The following PLGRKT variants were observed in gnomAD, a reference collection of about 807,000 sequenced individuals.
The protein encoded by PLGRKT is plasminogen receptor (KT).
PLGRKT carries 22 observed loss-of-function variants against 18.5 expected under a neutral mutation model. That is an observed-to-expected ratio of 1.19 (90% CI 0.85 to 1.70). PLGRKT has a LOEUF of 1.70. PLGRKT is among the 40% of genes most tolerant of loss of function. The probability of loss-of-function intolerance (pLI) is 0.00; values close to 1 mark genes in which losing one functional copy is unlikely to be tolerated. For synonymous variants in PLGRKT, 72 were observed against 52.8 expected (o/e 1.36, Z -1.58); for missense variants, 235 against 174.4 (o/e 1.35, Z -1.96).
At chr9:5,378,639 C>T (rs763756616) in intron 3 of PLGRKT, among the ~76,000 whole-genome samples, 147 of 152,154 alleles carry the variant, frequency 9.7e-4, no homozygotes, top group Non-Finnish European at 1.8e-3. Flanking sequence ...TTGAGTTGTA[C>T]ACTTTAACAT....
intron 3 of PLGRKT, among the ~76,000 whole-genome samples, chr9:5,431,379 C>G (rs975198056): frequency 2.0e-5 from 3 of 151,848 alleles, no homozygotes; most frequent in Non-Finnish European, 4.4e-5. Flanking sequence ...ATTAAAAATA[C>G]AAAAATTAGC....
chr9:5,411,295 G>C (rs1818359447), intron 3 of PLGRKT, among the ~76,000 whole-genome samples: 1 of 149,480 alleles, frequency 6.7e-6, no homozygotes, highest in African/African-American at 2.5e-5. Flanking sequence ...TGAGGCAGGA[G>C]AATCACTTGA....
chr9:5,431,413 A>T (rs775707787), intron 3 of PLGRKT, among the ~76,000 whole-genome samples: 1 of 151,948 alleles, frequency 6.6e-6, no homozygotes, highest in Non-Finnish European at 1.5e-5. Context: ...GCATGCCTGC[A>T]ATCCCAGCTA....
chr9:5,403,586 G>C (rs993989673), intron 3 of PLGRKT, among the ~76,000 whole-genome samples: 2 of 152,168 alleles, frequency 1.3e-5, no homozygotes, highest in African/African-American at 2.4e-5. Context: ...TAAGGATAAA[G>C]GCAACGATAA....
chr9:5,429,515 G>A (rs377499415), intron 3 of PLGRKT, among the ~76,000 whole-genome samples: 127 of 151,926 alleles, frequency 8.4e-4, no homozygotes, highest in Middle Eastern at 6.8e-3. Flanking sequence ...TGTGAGAGAA[G>A]CATCTGTTCC....
intron 3 of PLGRKT, 73 bp from the exon 4 acceptor site, chr9:5,361,961 T>C (rs955829972): frequency 6.5e-6 from 9 of 1,389,002 alleles, no homozygotes; most frequent in Non-Finnish European, 8.9e-6. Context: ...TAATCTGTTT[T>C]TCCAGCGGAT....
intron 3 of PLGRKT, among the ~76,000 whole-genome samples, chr9:5,376,120 C>G (rs1817622163): frequency 6.6e-6 from 1 of 152,118 alleles, no homozygotes; most frequent in African/African-American, 2.4e-5. Flanking sequence ...TTATATAATT[C>G]CACTTATACC....
chr9:5,373,728 G>A (rs1428452841), intron 3 of PLGRKT, among the ~76,000 whole-genome samples: 2 of 152,072 alleles, frequency 1.3e-5, no homozygotes, highest in Non-Finnish European at 2.9e-5. Context: ...AGCCTGGCAT[G>A]TCGAGGCTGC....
At position 5,380,332 on chromosome 9, in the gene PLGRKT, A is replaced by C. The variant is rs906180836; in HGVS notation, c.82-18444T>G. 3.3e-5 allele frequency among the ~76,000 whole-genome samples: 5 copies of C among 149,808 alleles called. No homozygotes were observed. In the East Asian group the frequency reaches 9.8e-4, roughly 29 times the overall value. ...CAGTGAGCCGAGATTGCGCCACTGC[A>C]CTCCAGCCTCGGCCAAACAGCGAGA... On this transcript the variant is annotated intron_variant, in intron 3 of 5. Transcript: ENST00000223864.
chr9:5,431,983 C>T lies in PLGRKT; in HGVS notation c.-6G>A. 7.2e-7 allele frequency: 1 copy of T among 1,383,370 alleles called. No homozygotes were observed. Among genetic ancestry groups the T allele is most frequent in the Non-Finnish European group, 1.0e-6 (1 of 973,226 alleles). 85.7% of individuals were successfully genotyped at this position (1,383,370 alleles called of 1,614,324 possible). A position where few individuals can be genotyped will look rare whatever the true frequency, so the allele number is the denominator to read the frequency against. ...TTTGAAAATATAAACCCCATTTTGA[C>T]CTAAAATGTAAAAAAAGCAAGGAGA... On this transcript the variant is annotated splice_region_variant and 5_prime_UTR_variant, in exon 3 of 6. Transcript: ENST00000223864.
At chr9:5,375,488 T>C (rs949620235) in intron 3 of PLGRKT, among the ~76,000 whole-genome samples, 2 of 152,248 alleles carry the variant, frequency 1.3e-5, no homozygotes, top group African/African-American at 2.4e-5. Context: ...AAGCCCTAAA[T>C]GTACCAAATG....
intron 3 of PLGRKT, among the ~76,000 whole-genome samples, chr9:5,400,195 C>T (rs967707912): frequency 4.0e-5 from 6 of 151,754 alleles, no homozygotes; most frequent in South Asian, 2.1e-4. Context: ...AAAAAGAAAA[C>T]ATATGATCAC....
intron 3 of PLGRKT, among the ~76,000 whole-genome samples, chr9:5,408,268 A>T (rs1322408843): frequency 6.6e-6 from 1 of 152,186 alleles, no homozygotes; most frequent in Non-Finnish European, 1.5e-5. Context: ...TTGTGACCCA[A>T]ATGCTGATAG....
At chr9:5,383,540 G>A (rs1209322103) in intron 3 of PLGRKT, among the ~76,000 whole-genome samples, 1 of 152,130 alleles carries the variant, frequency 6.6e-6, no homozygotes, top group Non-Finnish European at 1.5e-5. Flanking sequence ...AATATATAAT[G>A]AAATAATTAT....
intron 3 of PLGRKT, among the ~76,000 whole-genome samples, chr9:5,395,496 G>T (rs1363838489): frequency 6.6e-6 from 1 of 151,816 alleles, no homozygotes; most frequent in African/African-American, 2.4e-5. Context: ...TATGGAGCAG[G>T]ACTCATTAAG....
chr9:5,391,462 T>A lies in PLGRKT; in HGVS notation c.82-29574A>T, dbSNP rs550988717. Among the ~76,000 whole-genome samples the A allele has an allele frequency of 2.7e-4, 41 of 152,060 alleles. 2 individuals are homozygous for A. Among genetic ancestry groups the A allele is most frequent in the African/African-American group, 9.4e-4 (39 of 41,346 alleles). ...ATATCAGAAAATTCCATAAAATTAGTTTGTTACATGTAATGAGCTGTGCTT... is the reference window on the plus strand; with the variant it reads ...ATATCAGAAAATTCCATAAAATTAGATTGTTACATGTAATGAGCTGTGCTT... On this transcript the variant is annotated intron_variant, in intron 3 of 5. Transcript: ENST00000223864.
chr9:5,379,832 A>C (rs1817702926), intron 3 of PLGRKT, among the ~76,000 whole-genome samples: 1 of 152,240 alleles, frequency 6.6e-6, no homozygotes, highest in Non-Finnish European at 1.5e-5. Context: ...AGTAGTTTTA[A>C]GGACAATTTG....
At chr9:5,403,120 A>G (rs1157584396) in intron 3 of PLGRKT, among the ~76,000 whole-genome samples, 1 of 151,930 alleles carries the variant, frequency 6.6e-6, no homozygotes, top group East Asian at 1.9e-4. Flanking sequence ...GTGGCATTAG[A>G]TAATTTTAAA....
At chr9:5,432,330 G>A (rs1379647611) in intron 2 of PLGRKT, among the ~76,000 whole-genome samples, 1 of 151,938 alleles carries the variant, frequency 6.6e-6, no homozygotes, top group South Asian at 2.1e-4. Flanking sequence ...CTCTTTTTTT[G>A]TGAGGGGAAG....
Sources: gnomAD v4.1 joint callset for allele counts (sites outside exome capture counted in the v4.1 genomes callset) on GRCh38, gnomAD v4.1.1 for gene constraint, MANE v1.5 for transcripts, NCBI Gene and HGNC (gene_info 2026-07-23, HGNC 2026-07-21) for gene names.